Variants in HACL1 observed in about 807,000 individuals in gnomAD.
HACL1 encodes 1600020H07Rik.
Under a neutral mutation model 74.2 loss-of-function variants are expected in HACL1, and 64 were observed. That is an observed-to-expected ratio of 0.86 (90% CI 0.70 to 1.06). HACL1 has a LOEUF of 1.06. Ranked by LOEUF, HACL1 falls within the 50% of genes least tolerant of loss-of-function variation. HACL1 has a pLI of 0.00. For missense variants in HACL1, 728 were observed against 719.7 expected, an observed-to-expected ratio of 1.01 and a Z score of -0.13; for synonymous variants, 230 against 238.8, an observed-to-expected ratio of 0.96 and a Z score of 0.34.
chr3:15,585,209 G>T, intron 7 of HACL1, 39 bp downstream of exon 7: 1 of 961,726 alleles, frequency 1.0e-6, no homozygotes, highest in Non-Finnish European at 1.7e-6. Context: ...GATAATACAT[G>T]TACATTGAAG....
In HACL1 at chr3:15,576,344, T is replaced by C. The variant is rs558338237; in HGVS notation, c.804-1262A>G. ...CTTAAGTCTTAATGCACTCTTCACA[T>C]TGGTCCCTAGAAGCAGGTTATTTTT... On this transcript the variant is annotated intron_variant, in intron 9 of 16. Transcript: ENST00000321169. Among the ~76,000 whole-genome samples the C allele has an allele frequency of 9.3e-4, 142 of 152,140 alleles. 1 individual carries two copies. Among genetic ancestry groups the C allele is most frequent in the African/African-American group, 2.9e-3 (122 of 41,524 alleles).
intron 3 of HACL1, among the ~76,000 whole-genome samples, chr3:15,593,782 G>GTTT (rs200160002): frequency 2.4e-5 from 3 of 123,714 alleles, no homozygotes; most frequent in Non-Finnish European, 3.5e-5. Context: ...AATGTTTTGT[G>GTTT]TTTTTTTTTT....
chr3:15,592,297 T>C (rs115974968), intron 3 of HACL1, among the ~76,000 whole-genome samples: 4,102 of 137,470 alleles, frequency 0.03, 281 homozygotes, highest in African/African-American at 0.12. Flanking sequence ...TATGTATACA[T>C]ACGTATATAT....
chr3:15,599,510 TA>T (rs59029536), intron 2 of HACL1, among the ~76,000 whole-genome samples: 5,335 of 144,490 alleles, frequency 0.037, 253 homozygotes, highest in African/African-American at 0.11. Flanking sequence ...TGCCTACTGT[TA>T]AAAAAAAAAA....
intron 4 of HACL1, among the ~76,000 whole-genome samples, chr3:15,590,632 A>T (rs945190239): frequency 2.6e-5 from 4 of 152,254 alleles, no homozygotes; most frequent in African/African-American, 7.2e-5. Context: ...AAGAATTTCA[A>T]ATATCTTCCT....
chr3:15,561,030 T>C (rs957712502), intron 16 of HACL1, 133 bp from the exon 17 acceptor site: 1 of 708,450 alleles, frequency 1.4e-6, no homozygotes, highest in Non-Finnish European at 2.4e-6. Flanking sequence ...TTTGTTCTGG[T>C]GCTTTTCCCA....
At chr3:15,573,970 T>C (rs558998711) in intron 10 of HACL1, among the ~76,000 whole-genome samples, 20 of 152,290 alleles carry the variant, frequency 1.3e-4, no homozygotes, top group African/African-American at 4.3e-4. Flanking sequence ...TTGTCTGCAG[T>C]TTTAGTTCTC....
chr3:15,565,496 G>A (rs1379226999), intron 14 of HACL1, among the ~76,000 whole-genome samples: 1 of 152,200 alleles, frequency 6.6e-6, no homozygotes, highest in Admixed American at 6.5e-5. Context: ...CAGAAAAGGA[G>A]TATTTAACAG....
chr3:15,588,454 A>C (rs2063829965), intron 5 of HACL1, among the ~76,000 whole-genome samples: 1 of 152,082 alleles, frequency 6.6e-6, no homozygotes, highest in Admixed American at 6.5e-5. Context: ...TTATCTGGGC[A>C]TGGTGGCGTG....
intron 1 of HACL1, 64 bp from the exon 2 acceptor site, chr3:15,601,258 C>A: frequency 1.3e-6 from 2 of 1,539,702 alleles, no homozygotes; most frequent in Non-Finnish European, 1.8e-6. Flanking sequence ...ATCCTTCCCT[C>A]CCTCCCGGGC....
At chr3:15,600,899 G>A (rs1427833550) in intron 2 of HACL1, 191 bp downstream of exon 2, 5 of 614,140 alleles carry the variant, frequency 8.1e-6, no homozygotes, top group African/African-American at 1.8e-5. Context: ...CCAAAGGCAA[G>A]TTTTACTTAA....
chr3:15,592,036 TATATAC>T (rs1169261659), intron 3 of HACL1, among the ~76,000 whole-genome samples: 1 of 114,744 alleles, frequency 8.7e-6, no homozygotes, highest in Non-Finnish European at 1.8e-5. Flanking sequence ...TACATACGTA[TATATAC>T]ACACACTATA....
intron 7 of HACL1, among the ~76,000 whole-genome samples, chr3:15,583,721 G>A (rs568096956): frequency 1.1e-4 from 16 of 150,588 alleles, no homozygotes; most frequent in East Asian, 3.9e-4. Flanking sequence ...GCAGCGGTGC[G>A]AACTTGGCTC....
intron 3 of HACL1, among the ~76,000 whole-genome samples, chr3:15,593,518 C>G (rs1459137014): frequency 1.3e-5 from 2 of 151,398 alleles, no homozygotes; most frequent in African/African-American, 4.9e-5. Flanking sequence ...CATGCCTGGC[C>G]CAAAAAAAGA....
intron 2 of HACL1, among the ~76,000 whole-genome samples, chr3:15,600,528 GA>G (rs1247729452): frequency 6.6e-6 from 1 of 152,180 alleles, no homozygotes; most frequent in African/African-American, 2.4e-5. Context: ...TGATGTGGTG[GA>G]AAAAGCATCA....
chr3:15,598,006 ATTTTGTTTTG>A (rs751089661), intron 2 of HACL1, among the ~76,000 whole-genome samples: 3 of 150,722 alleles, frequency 2.0e-5, no homozygotes, highest in African/African-American at 4.9e-5. Flanking sequence ...GTTTTGTTTT[ATTTTGTTTTG>A]TTTTGTTTTT....
At chr3:15,579,028 C>T (rs1406517758) in intron 9 of HACL1, among the ~76,000 whole-genome samples, 1 of 152,256 alleles carries the variant, frequency 6.6e-6, no homozygotes, top group Non-Finnish European at 1.5e-5. Flanking sequence ...AGCAAAGGCT[C>T]TGAAACTGAA....
intron 3 of HACL1, among the ~76,000 whole-genome samples, chr3:15,592,010 G>T (rs896552356): frequency 2.1e-5 from 3 of 143,836 alleles, no homozygotes; most frequent in African/African-American, 7.8e-5. Flanking sequence ...TACTATATAC[G>T]TATATATACA....
chr3:15,585,277 C>T lies in HACL1; in HGVS notation c.525G>A (p.Val175=). The change falls in exon 7 of 17, where the codon GTG becomes GTA. Residue 175 remains valine, a synonymous_variant. Transcript: ENST00000321169. ...ACYVDIPADF[V]NLQVNVNSIK... ...TAGAATTCACATTCACCTGAAGGTT[C>T]ACAAAATCTGCTGGTATGTCAACAT... 6.3e-7 allele frequency: 1 copy of T among 1,596,972 alleles called. No individual in the cohort carries two copies. Among genetic ancestry groups the T allele is most frequent in the Non-Finnish European group, 8.6e-7 (1 of 1,164,490 alleles).
Sources: gnomAD v4.1 joint callset for allele counts (sites outside exome capture counted in the v4.1 genomes callset) on GRCh38, gnomAD v4.1.1 for gene constraint, MANE v1.5 for transcripts, NCBI Gene and HGNC (gene_info 2026-07-23, HGNC 2026-07-21) for gene names.